PTH2R: variants seen among roughly 807,000 people sequenced by gnomAD.
PTH2R encodes PTH2 receptor.
PTH2R carries 59 observed loss-of-function variants against 60.3 expected under a neutral mutation model. The observed-to-expected ratio is 0.98, with a 90% CI of 0.79 to 1.22. The LOEUF (loss-of-function observed/expected upper bound fraction) is 1.22, where lower values mean the gene tolerates loss of function less well. Among genes scored for constraint, PTH2R ranks in the 50% most tolerant of loss-of-function variants. The probability of loss-of-function intolerance (pLI) is 0.00; values close to 1 mark genes in which losing one functional copy is unlikely to be tolerated. For synonymous variants in PTH2R, 256 were observed against 243.8 expected (o/e 1.05, Z -0.47); for missense variants, 749 against 682.6 (o/e 1.10, Z -1.08).
chr2:208,405,879 G>A (rs2105828796), upstream of PTH2R, among the ~76,000 whole-genome samples: 1 of 152,312 alleles, frequency 6.6e-6, no homozygotes, highest in South Asian at 2.1e-4. Flanking sequence ...TGAGAAGACA[G>A]CAGTGGTCAA....
intron 1 of PTH2R, among the ~76,000 whole-genome samples, chr2:208,423,981 T>C (rs1482537127): frequency 6.6e-6 from 1 of 152,162 alleles, no homozygotes; most frequent in Non-Finnish European, 1.5e-5. Flanking sequence ...CTGACACCTA[T>C]GGTGGGCTGC....
intron 11 of PTH2R, 55 bp from the exon 12 acceptor site, chr2:208,490,584 T>C: frequency 1.3e-6 from 2 of 1,570,084 alleles, no homozygotes; most frequent in Non-Finnish European, 1.7e-6. Context: ...ACAAGATGCT[T>C]AAGTGCTGTG....
At chr2:208,458,387 A>G (rs146452627) in intron 8 of PTH2R, among the ~76,000 whole-genome samples, 161 of 152,304 alleles carry the variant, frequency 1.1e-3, no homozygotes, top group African/African-American at 3.2e-3. Flanking sequence ...AACTTTTTAA[A>G]ATTAGGATAA....
intron 10 of PTH2R, among the ~76,000 whole-genome samples, chr2:208,486,274 A>C (rs1383857613): frequency 6.6e-6 from 1 of 152,224 alleles, no homozygotes; most frequent in African/African-American, 2.4e-5. Flanking sequence ...GTTTTTAATA[A>C]ACAAACTTCT....
intron 1 of PTH2R, among the ~76,000 whole-genome samples, chr2:208,383,522 A>T (rs10497899): frequency 0.061 from 9,352 of 152,090 alleles, 625 homozygotes; most frequent in African/African-American, 0.17. Context: ...CTTCTTGAAA[A>T]CTCATGGAAC....
At position 208,428,222 on chromosome 2, in the gene PTH2R, A is replaced by C. The variant is rs535954982; in HGVS notation, c.97A>C (p.Thr33Pro). 1.9e-6 allele frequency: 3 copies of C among 1,612,550 alleles called. 1 individual carries two copies. In the South Asian group the frequency reaches 3.3e-5, roughly 18 times the overall value. ...RAQLDSDGTI[T>P]IEEQIVLVLK... Reference sequence around the variant, plus strand: ...ACAGCTGGATTCTGATGGCACCATTACTATAGAGGAGCAGATTGTCCTTGT... The same window carrying C: ...ACAGCTGGATTCTGATGGCACCATTCCTATAGAGGAGCAGATTGTCCTTGT... The change falls in exon 2 of 13, where the codon ACT becomes CCT. Residue 33 changes from threonine to proline, a missense_variant. Physicochemically the swap from Thr to Pro is conservative, Grantham distance 38. Transcript: ENST00000272847.
Position 208,450,918 on chromosome 2 carries a change from G to T in PTH2R, c.914+109G>T, listed in dbSNP as rs1236580892. The T allele has an allele frequency of 4.1e-6, 5 of 1,219,836 alleles. No homozygotes were observed. The East Asian group carries it at 1.2e-4, about 29-fold the overall frequency. The allele number at this position is 1,219,836 out of a possible 1,614,324, so 75.6% of individuals were successfully genotyped here. A position where few individuals can be genotyped will look rare whatever the true frequency, so the allele number is the denominator to read the frequency against. On this transcript the variant is annotated intron_variant, in intron 8 of 12. Transcript: ENST00000272847. ...GTTCTTGATGCCATTGCTTTTTAGG[G>T]ATGCCACAAGGAAAATTACCTTGAT...
chr2:208,398,014 A>C (rs1701244347), intron 1 of PTH2R, among the ~76,000 whole-genome samples: 1 of 152,218 alleles, frequency 6.6e-6, no homozygotes, highest in Admixed American at 6.5e-5. Flanking sequence ...ATTTTTTAAT[A>C]ACTCCTGTAA....
Position 208,443,458 on chromosome 2 carries a change from T to C in PTH2R, c.620T>C (p.Val207Ala). The stretch of plus-strand genomic sequence containing the variant: ...AGAGTAGTCCATGCTCACATAGGAG[T>C]AAAGGAGCTGGAGTCCCTAATAATG... ...KDRVVHAHIG[V>A]KELESLIMQD... The change falls in exon 6 of 13, where the codon GTA becomes GCA. Residue 207 changes from valine to alanine, a missense_variant. Physicochemically the swap from Val to Ala is moderately conservative, Grantham distance 64. Transcript: ENST00000272847. 6.2e-7 allele frequency: 1 copy of C among 1,613,716 alleles called. No individual in the cohort carries two copies. Among genetic ancestry groups the C allele is most frequent in the African/African-American group, 1.3e-5 (1 of 74,974 alleles).
At chr2:208,477,745 CT>C in intron 9 of PTH2R, among the ~76,000 whole-genome samples, 1 of 151,692 alleles carries the variant, frequency 6.6e-6, no homozygotes, top group Non-Finnish European at 1.5e-5. Flanking sequence ...AGCCATCTCT[CT>C]TTTTTTAAAT....
chr2:208,420,781 T>G (rs80292865), intron 1 of PTH2R, among the ~76,000 whole-genome samples: 7,041 of 152,334 alleles, frequency 0.046, 332 homozygotes, highest in African/African-American at 0.11. Context: ...CTCTGTCTTA[T>G]GCAGATTCCA....
In PTH2R at chr2:208,388,142, C is replaced by CG. The variant is rs1553541044; in HGVS notation, c.-259+27905_-259+27906insG. Among the ~76,000 whole-genome samples, 2 of 148,432 alleles carry CG rather than the reference C, an allele frequency of 1.3e-5. 1 individual carries two copies. The highest frequency in any genetic ancestry group is 3.0e-5 in the Non-Finnish European group (2 of 66,094). On this transcript the variant is annotated intron_variant, in intron 1 of 12. Transcript: ENST00000617735. ...GGCTAACATGGTGAAACCCCCCCCC[C>CG]CGTCTCTACTAAAAATACAAAAAAT... is the stretch of plus-strand genomic sequence containing the variant.
intron 9 of PTH2R, 94 bp downstream of exon 9, chr2:208,460,055 C>A: frequency 9.4e-7 from 1 of 1,058,774 alleles, no homozygotes. Flanking sequence ...CATTCTACAA[C>A]AGATCTGAGA....
At chr2:208,368,603 A>C (rs1401804903) in intron 1 of PTH2R, among the ~76,000 whole-genome samples, 1 of 152,158 alleles carries the variant, frequency 6.6e-6, no homozygotes, top group African/African-American at 2.4e-5. Context: ...TGGCCACCTT[A>C]AATAGTTAAT....
chr2:208,403,979 C>A (rs1701354563), upstream of PTH2R, among the ~76,000 whole-genome samples: 1 of 152,148 alleles, frequency 6.6e-6, no homozygotes, highest in Non-Finnish European at 1.5e-5. Flanking sequence ...TTTATTTCCA[C>A]TATATTCTAT....
intron 1 of PTH2R, among the ~76,000 whole-genome samples, chr2:208,420,803 C>A (rs1456409092): frequency 1.3e-5 from 2 of 152,166 alleles, no homozygotes; most frequent in African/African-American, 4.8e-5. Context: ...TGGTTTTATA[C>A]ATACTTGTGT....
upstream of PTH2R, among the ~76,000 whole-genome samples, chr2:208,402,336 C>T (rs1574840952): frequency 6.6e-6 from 1 of 152,238 alleles, no homozygotes; most frequent in Admixed American, 6.5e-5. Flanking sequence ...GTTATTTTGT[C>T]CATGTTGATA....
At chr2:208,421,094 G>T (rs1370376) in intron 1 of PTH2R, among the ~76,000 whole-genome samples, 1 of 152,082 alleles carries the variant, frequency 6.6e-6, no homozygotes, top group Non-Finnish European at 1.5e-5. Flanking sequence ...AAATATAAGA[G>T]AAAAGGATGA....
At chr2:208,399,669 G>T (rs1348951813) in intron 1 of PTH2R, among the ~76,000 whole-genome samples, 5 of 152,086 alleles carry the variant, frequency 3.3e-5, no homozygotes, top group African/African-American at 1.2e-4. Flanking sequence ...CTTGTTCCTG[G>T]TTCTGCCTGA....
Sources: allele counts gnomAD v4.1 joint callset (sites outside exome capture counted in the v4.1 genomes callset), GRCh38; gene constraint gnomAD v4.1.1; transcripts MANE v1.5; gene names NCBI Gene and HGNC (gene_info 2026-07-23, HGNC 2026-07-21).